AFP: variants seen among roughly 807,000 people sequenced by gnomAD.
The protein encoded by AFP is alpha-fetoprotein.
A neutral mutation model predicts 78.9 loss-of-function variants in AFP; 64 were observed. The observed-to-expected ratio is 0.81, with a 90% CI of 0.66 to 1.00. The LOEUF (loss-of-function observed/expected upper bound fraction) is 1.00, where lower values mean the gene tolerates loss of function less well. AFP is among the 50% of genes least tolerant of loss of function. The pLI is 0.00. For synonymous variants in AFP, 254 were observed against 243.8 expected, an observed-to-expected ratio of 1.04 and a Z score of -0.39; for missense variants, 689 against 703.8, an observed-to-expected ratio of 0.98 and a Z score of 0.24.
At chr4:73,450,282 T>C in intron 10 of AFP, 149 bp downstream of exon 10, 3 of 725,720 alleles carry the variant, frequency 4.1e-6, no homozygotes, top group Middle Eastern at 3.7e-4. Context: ...GTGCAAATTT[T>C]TGCAGTAAAG....
intron 9 of AFP, 69 bp from the exon 10 acceptor site, chr4:73,449,967 T>C: frequency 3.0e-6 from 3 of 991,902 alleles, no homozygotes; most frequent in South Asian, 1.4e-5. Flanking sequence ...ATAATATTGA[T>C]CAATTTTATA....
At chr4:73,448,676 T>C (rs1404939702) in intron 8 of AFP, among the ~76,000 whole-genome samples, 2 of 152,150 alleles carry the variant, frequency 1.3e-5, no homozygotes, top group African/African-American at 4.8e-5. Context: ...CATCTAAATC[T>C]AATTGTTTAA....
chr4:73,455,403 T>C, intron 14 of AFP, 113 bp downstream of exon 14: 1 of 941,650 alleles, frequency 1.1e-6, no homozygotes, highest in Non-Finnish European at 1.7e-6. Context: ...TACATGGAAT[T>C]CAAAAAAAAG....
chr4:73,448,887 T>C (rs563124544), intron 8 of AFP, among the ~76,000 whole-genome samples: 5 of 152,182 alleles, frequency 3.3e-5, no homozygotes, highest in Non-Finnish European at 5.9e-5. Context: ...CTCTTTTTCA[T>C]CTTTATTTAT....
In AFP at chr4:73,455,662, G is replaced by T. The variant is rs749161392; in HGVS notation, c.*42G>T. On this transcript the variant is annotated 3_prime_UTR_variant, in exon 15 of 15. Transcript: ENST00000395792. ...AGAAGACAAAACGAGTCTTTCATTC[G>T]GTGTGAACTTTTCTCTTTAATTTTA... The T allele has an allele frequency of 1.4e-6, 1 of 695,994 alleles. No homozygotes were observed. Among genetic ancestry groups the T allele is most frequent in the South Asian group, 1.5e-5 (1 of 65,178 alleles). The allele number at this position is 695,994 out of a possible 1,614,324, so 43.1% of individuals were successfully genotyped here. A position where few individuals can be genotyped will look rare whatever the true frequency, so the allele number is the denominator to read the frequency against.
At chr4:73,452,264 A>G (rs1720016348) in intron 11 of AFP, 137 bp from the exon 12 acceptor site, 12 of 749,512 alleles carry the variant, frequency 1.6e-5, no homozygotes, top group Admixed American at 8.2e-5. Flanking sequence ...ACATGATCCT[A>G]CATAGCAAAT....
Position 73,440,683 on chromosome 4 carries a change from G to A in AFP, c.352G>A (p.Glu118Lys). The part of the protein sequence containing the change: ...YGHSDCCSQS[E>K]EGRHNCFLAH... ...ACATTCAGACTGCTGCAGCCAAAGTGAAGAGGGAAGACATAACTGTTTTCT... is the reference window on the plus strand; with the variant it reads ...ACATTCAGACTGCTGCAGCCAAAGTAAAGAGGGAAGACATAACTGTTTTCT... The change falls in exon 4 of 15, where the codon GAA becomes AAA. Residue 118 changes from glutamate to lysine, a missense_variant. Transcript: ENST00000395792. 6.2e-7 allele frequency: 1 copy of A among 1,614,154 alleles called. No homozygotes were observed. The highest frequency in any genetic ancestry group is 1.7e-5 in the Admixed American group (1 of 60,024).
chr4:73,439,184 ATTAT>A (rs1719594890), intron 3 of AFP, among the ~76,000 whole-genome samples: 1 of 152,164 alleles, frequency 6.6e-6, no homozygotes, highest in Non-Finnish European at 1.5e-5. Context: ...AATAATATTT[ATTAT>A]TTATTTTATC....
In AFP at chr4:73,450,683, A is replaced by G. The variant is rs774093358; in HGVS notation, c.1358A>G (p.Lys453Arg). Residue 453 changes from lysine (K) to arginine (R), a missense_variant, in exon 11 of 15, where the codon AAA becomes AGA. Physicochemically the swap from Lys to Arg is conservative, Grantham distance 26. Coordinates refer to ENST00000395792, the MANE Select transcript of AFP (RefSeq NM_001134.3). ...TCGGAGCTGATGGCCATCACCAGAA[A>G]AATGGCAGCCACAGCAGCCACTTGT... The part of the protein sequence containing the change: ...TSSELMAITR[K>R]MAATAATCCQ... 11 of 1,614,172 alleles carry G rather than the reference A, an allele frequency of 6.8e-6. No homozygotes were observed. The highest frequency in any genetic ancestry group is 9.3e-6 in the Non-Finnish European group (11 of 1,180,008).
rs1014103360 is a variant in AFP at position 73,447,657 on chromosome 4, A to G, written c.1039A>G (p.Lys347Glu). 6.2e-7 allele frequency: 1 copy of G among 1,610,810 alleles called. No individual in the cohort carries two copies. Among genetic ancestry groups the G allele is most frequent in the Non-Finnish European group, 8.5e-7 (1 of 1,178,872 alleles). ...TTTTAACCAATTTTCTTCAGGGGAA[A>G]AAAATATCTTCTTGGCAAGGTAACA... ...RDFNQFSSGE[K>E]NIFLASFVHE... Residue 347 changes from lysine (K) to glutamate (E), a missense_variant, in exon 8 of 15, where the codon AAA (lysine) becomes GAA (glutamate). Lys to Glu is a moderately conservative substitution (Grantham distance 56). Coordinates refer to ENST00000395792, the MANE Select transcript of AFP (RefSeq NM_001134.3).
At chr4:73,450,581 T>A (rs554655649) in intron 10 of AFP, 34 bp from the exon 11 acceptor site, 18 of 1,613,878 alleles carry the variant, frequency 1.1e-5, no homozygotes, top group Admixed American at 5.0e-5. Flanking sequence ...CATGAATGAC[T>A]CAGCAGGACT....
At chr4:73,444,889 A>T in intron 6 of AFP, 104 bp from the exon 7 acceptor site, 1 of 1,008,156 alleles carries the variant, frequency 9.9e-7, no homozygotes. Flanking sequence ...AGGGAATTTC[A>T]GTCATTTCTC....
rs1359212218 is a variant in AFP, at chr4:73,440,642, T to C, written c.311T>C (p.Ile104Thr). 4 of 1,614,180 alleles carry C rather than the reference T, an allele frequency of 2.5e-6. No homozygotes were observed. The highest frequency in any genetic ancestry group is 3.4e-6 in the Non-Finnish European group (4 of 1,180,024). ...FLEELCHEKEILEKYGHSDCC... is the reference protein window; with the variant it reads ...FLEELCHEKETLEKYGHSDCC... ...GAAGAACTTTGCCATGAGAAAGAAA[T>C]TTTGGAGAAGTACGGACATTCAGAC... The change falls in exon 4 of 15, where the codon ATT becomes ACT. Residue 104 changes from isoleucine to threonine, a missense_variant. Coordinates refer to ENST00000395792, the MANE Select transcript of AFP (RefSeq NM_001134.3).
Position 73,452,499 on chromosome 4 carries a change from G to T in AFP, c.1527G>T (p.Arg509Ser). Residue 509 changes from arginine (R) to serine (S), a missense_variant, in exon 12 of 15, where the codon AGG becomes AGT. Coordinates refer to ENST00000395792, the MANE Select transcript of AFP (RefSeq NM_001134.3). ...QCCTSSYANR[R>S]PCFSSLVVDE... ...GCACTTCTTCATATGCCAACAGGAG[G>T]CCATGCTTCAGCAGCTTGGTGGTGG... is the stretch of plus-strand genomic sequence containing the variant. The T allele has an allele frequency of 6.2e-7, 1 of 1,614,104 alleles. No individual in the cohort carries two copies. The highest frequency in any genetic ancestry group is 8.5e-7 in the Non-Finnish European group (1 of 1,179,986).
At chr4:73,444,436 T>C (rs1719761446) in intron 6 of AFP, among the ~76,000 whole-genome samples, 1 of 152,190 alleles carries the variant, frequency 6.6e-6, no homozygotes, top group Non-Finnish European at 1.5e-5. Flanking sequence ...ACTCTTAAAA[T>C]TTAATGAAAT....
intron 7 of AFP, among the ~76,000 whole-genome samples, chr4:73,446,780 A>T (rs1416982674): frequency 6.6e-6 from 1 of 152,238 alleles, no homozygotes; most frequent in African/African-American, 2.4e-5. Context: ...ATATAGCAAC[A>T]TGCATCCTAT....
chr4:73,448,556 C>A (rs1719898414), intron 8 of AFP, among the ~76,000 whole-genome samples: 1 of 152,120 alleles, frequency 6.6e-6, no homozygotes. Flanking sequence ...GAATAAAGTT[C>A]AGATTTAGGA....
chr4:73,450,587 G>A, intron 10 of AFP, 28 bp from the exon 11 acceptor site: 3 of 1,613,998 alleles, frequency 1.9e-6, no homozygotes, highest in Non-Finnish European at 2.5e-6. Flanking sequence ...TGACTCAGCA[G>A]GACTTAGTTA....
chr4:73,455,451 A>G (rs1161866425), intron 14 of AFP, 161 bp downstream of exon 14: 5 of 670,712 alleles, frequency 7.5e-6, no homozygotes, highest in Admixed American at 2.7e-5. Flanking sequence ...TACGCACACA[A>G]TGTTAAATTA....
Sources: gnomAD v4.1 joint callset for allele counts (sites outside exome capture counted in the v4.1 genomes callset) on GRCh38, gnomAD v4.1.1 for gene constraint, MANE v1.5 for transcripts, NCBI Gene and HGNC (gene_info 2026-07-23, HGNC 2026-07-21) for gene names.